Variants in CDH20 observed in about 807,000 individuals in gnomAD.
The protein encoded by CDH20 is cadherin 20.
CDH20 carries 29 observed loss-of-function variants against 74.2 expected under a neutral mutation model. The observed-to-expected ratio is 0.39, with a 90% CI of 0.29 to 0.53. The LOEUF is 0.53. Among genes scored for constraint, CDH20 ranks in the 20% least tolerant of loss-of-function variants. The pLI is 0.69. For missense variants in CDH20, 988 were observed against 1,048.3 expected, an observed-to-expected ratio of 0.94 and a Z score of 0.79; for synonymous variants, 469 against 405.4, an observed-to-expected ratio of 1.16 and a Z score of -1.88.
intron 1 of CDH20, among the ~76,000 whole-genome samples, chr18:61,399,578 A>AT (rs1272563141): frequency 3.9e-5 from 6 of 151,962 alleles, no homozygotes; most frequent in African/African-American, 1.4e-4. Context: ...TACTACTGCC[A>AT]TTTTTTTCAT....
In CDH20 at chr18:61,407,165, C is replaced by A. The variant is rs553968213; in HGVS notation, c.-153+73338C>A. ...CTTTATTCAACAGAAAAATAAAGTT[C>A]TCTTTATGATAAGAGACAGTTTTGC... On this transcript the variant is annotated intron_variant, in intron 1 of 11. Coordinates refer to ENST00000262717, the MANE Select transcript of CDH20 (RefSeq NM_031891.4). 2.0e-5 allele frequency among the ~76,000 whole-genome samples: 3 copies of A among 152,244 alleles called. No homozygotes were observed. The East Asian group carries it at 5.8e-4, about 29-fold the overall frequency.
chr18:61,467,851 T>G, intron 1 of CDH20, among the ~76,000 whole-genome samples: 1 of 152,192 alleles, frequency 6.6e-6, no homozygotes, highest in East Asian at 1.9e-4. Context: ...ACCCCAAGGC[T>G]TACGTTCGCT....
At chr18:61,380,667 A>G (rs1482549221) in intron 1 of CDH20, among the ~76,000 whole-genome samples, 1 of 152,094 alleles carries the variant, frequency 6.6e-6, no homozygotes, top group African/African-American at 2.4e-5. Context: ...AAATTAGCCC[A>G]GCGTGGTGGC....
At chr18:61,491,224 T>C (rs1441928791) in intron 2 of CDH20, among the ~76,000 whole-genome samples, 2 of 25,642 alleles carry the variant, frequency 7.8e-5, no homozygotes, top group Non-Finnish European at 1.4e-4. Flanking sequence ...GGTGCAAATT[T>C]AATGAAAAAA....
intron 1 of CDH20, among the ~76,000 whole-genome samples, chr18:61,432,871 T>A (rs1913302815): frequency 6.6e-6 from 1 of 152,234 alleles, no homozygotes; most frequent in Non-Finnish European, 1.5e-5. Context: ...TGTTTGTAGT[T>A]CAATTTATTT....
At chr18:61,440,864 C>T (rs531309644) in intron 1 of CDH20, among the ~76,000 whole-genome samples, 1 of 152,246 alleles carries the variant, frequency 6.6e-6, no homozygotes, top group South Asian at 2.1e-4. Context: ...AATCAGGTCA[C>T]AAGGCCAACC....
rs990146070 is a variant in CDH20 at position 61,384,242 on chromosome 18, A to C, written c.-153+50415A>C. Reference sequence around the variant, plus strand: ...TGAATGTTCAATCCAAAAGAAGATTAAAATCGTTTATCATCATCATTCATA... The same window carrying C: ...TGAATGTTCAATCCAAAAGAAGATTCAAATCGTTTATCATCATCATTCATA... On this transcript the variant is annotated intron_variant, in intron 1 of 11. Coordinates refer to ENST00000262717, the MANE Select transcript of CDH20 (RefSeq NM_031891.4). Among the ~76,000 whole-genome samples the C allele has an allele frequency of 2.0e-5, 3 of 152,204 alleles. No individual in the cohort carries two copies. In the East Asian group the frequency reaches 5.8e-4, roughly 29 times the overall value.
At chr18:61,475,317 C>A (rs1910332898) in intron 1 of CDH20, among the ~76,000 whole-genome samples, 1 of 152,170 alleles carries the variant, frequency 6.6e-6, no homozygotes, top group South Asian at 2.1e-4. Flanking sequence ...CTTACCCTGA[C>A]TTCTGGATTT....
At chr18:61,429,397 G>A (rs545952864) in intron 1 of CDH20, among the ~76,000 whole-genome samples, 2 of 152,022 alleles carry the variant, frequency 1.3e-5, no homozygotes, top group African/African-American at 2.4e-5. Flanking sequence ...ACTAAAAGTT[G>A]GCTTTAGAAT....
intron 1 of CDH20, among the ~76,000 whole-genome samples, chr18:61,368,861 A>C (rs1170097430): frequency 3.7e-5 from 3 of 80,430 alleles, no homozygotes; most frequent in Non-Finnish European, 6.8e-5. Flanking sequence ...GTTCTTTTTC[A>C]AAAAAAAAAA....
At chr18:61,377,407 G>A (rs1911273600) in intron 1 of CDH20, among the ~76,000 whole-genome samples, 1 of 151,646 alleles carries the variant, frequency 6.6e-6, no homozygotes, top group Admixed American at 6.6e-5. Context: ...CATTAGACCT[G>A]GCCACATAAG....
intron 1 of CDH20, among the ~76,000 whole-genome samples, chr18:61,373,106 G>A (rs1175627486): frequency 6.6e-6 from 1 of 151,222 alleles, no homozygotes; most frequent in East Asian, 1.9e-4. Context: ...TTTGCCTTTC[G>A]TTTTTCTTAT....
intron 1 of CDH20, among the ~76,000 whole-genome samples, chr18:61,375,346 A>G (rs1291425049): frequency 6.6e-6 from 1 of 152,200 alleles, no homozygotes; most frequent in Admixed American, 6.5e-5. Flanking sequence ...TGCAGGGTTC[A>G]TCCTTCCACA....
chr18:61,471,922 T>A (rs1331240314), intron 1 of CDH20, among the ~76,000 whole-genome samples: 1 of 152,178 alleles, frequency 6.6e-6, no homozygotes, highest in African/African-American at 2.4e-5. Context: ...AGCCTTCCCA[T>A]TATCTTTTGT....
At chr18:61,506,883 T>C (rs1160686052) in intron 5 of CDH20, among the ~76,000 whole-genome samples, 2 of 151,900 alleles carry the variant, frequency 1.3e-5, no homozygotes, top group Non-Finnish European at 2.9e-5. Context: ...AGATCACTGA[T>C]CTCCATGACC....
At chr18:61,440,592 G>C (rs981404003) in intron 1 of CDH20, among the ~76,000 whole-genome samples, 1 of 152,184 alleles carries the variant, frequency 6.6e-6, no homozygotes, top group African/African-American at 2.4e-5. Flanking sequence ...TCTGGCCTCA[G>C]CTGGGTTCAG....
intron 9 of CDH20, among the ~76,000 whole-genome samples, 164 bp from the exon 10 acceptor site, chr18:61,544,863 C>T (rs1410797007): frequency 6.6e-6 from 1 of 152,202 alleles, no homozygotes; most frequent in African/African-American, 2.4e-5. Flanking sequence ...ACCAGGAACC[C>T]TGCCCTTCTC....
At chr18:61,403,821 G>A (rs1274804899) in intron 1 of CDH20, among the ~76,000 whole-genome samples, 4 of 152,238 alleles carry the variant, frequency 2.6e-5, no homozygotes, top group South Asian at 2.1e-4. Flanking sequence ...TATATTCACC[G>A]CAGCACTATT....
chr18:61,355,383 A>G (rs1910464887), intron 1 of CDH20, among the ~76,000 whole-genome samples: 1 of 152,252 alleles, frequency 6.6e-6, no homozygotes, highest in Non-Finnish European at 1.5e-5. Context: ...CTGGGACTAA[A>G]GGACTCCAAA....
Sources: allele counts gnomAD v4.1 joint callset (sites outside exome capture counted in the v4.1 genomes callset), GRCh38; gene constraint gnomAD v4.1.1; transcripts MANE v1.5; gene names NCBI Gene and HGNC (gene_info 2026-07-23, HGNC 2026-07-21).